KCTD16: variants seen among roughly 807,000 people sequenced by gnomAD.
The protein encoded by KCTD16 is potassium channel tetramerization domain containing 16.
Under a neutral mutation model 33.2 loss-of-function variants are expected in KCTD16, and 13 were observed. The ratio of observed to expected loss-of-function variants is 0.39; its 90% CI spans 0.25 to 0.62. The LOEUF is 0.62. Ranked by LOEUF, KCTD16 falls within the 20% of genes least tolerant of loss-of-function variation. The pLI is 0.50. For missense variants in KCTD16, 441 were observed against 525.1 expected (o/e 0.84, Z 1.57); for synonymous variants, 197 against 195.3 (o/e 1.01, Z -0.07).
chr5:144,284,980 C>G (rs1755705567), intron 3 of KCTD16, among the ~76,000 whole-genome samples: 1 of 152,190 alleles, frequency 6.6e-6, no homozygotes, highest in African/African-American at 2.4e-5. Context: ...TAAACCACCA[C>G]CATTTCATGC....
rs545329555 is a variant in KCTD16, at chr5:144,484,429, C to G, written c.*10315C>G. The G allele has an allele frequency of 1.3e-5, 2 of 151,978 alleles. No individual in the cohort carries two copies. Among genetic ancestry groups the G allele is most frequent in the Admixed American group, 1.3e-4 (2 of 15,222 alleles). The allele number at this position is 151,978 out of a possible 1,614,324, so 9.4% of individuals were successfully genotyped here. A position where few individuals can be genotyped will look rare whatever the true frequency, so the allele number is the denominator to read the frequency against. On this transcript the variant is annotated 3_prime_UTR_variant, in exon 4 of 4. Coordinates refer to ENST00000512467, the MANE Select transcript of KCTD16 (RefSeq NM_020768.4). ...GAACTTAGTAATCTTAGTTGAATTC[C>G]TCTTCCCCATGTCTTTCAAAACCAG...
At position 144,206,832 on chromosome 5, in the gene KCTD16, C is replaced by G; in HGVS notation, c.118C>G (p.His40Asp). Residue 40 changes from histidine (H) to aspartate (D), a missense_variant, in exon 3 of 4, where the codon CAT becomes GAT. This residue lies in a region of KCTD16 where 80 missense variants were observed against 88.5 expected (regional missense o/e 0.90). Coordinates refer to ENST00000512467, the MANE Select transcript of KCTD16 (RefSeq NM_020768.4). ...CGGGGGTCAAGTTTATTTTACTCGC[C>G]ATTCCACATTGATAAGCATCCCTCA... ...NVGGQVYFTR[H>D]STLISIPHSL... 1 of 1,614,156 alleles carries G rather than the reference C, an allele frequency of 6.2e-7. No homozygotes were observed. The highest frequency in any genetic ancestry group is 8.5e-7 in the Non-Finnish European group (1 of 1,180,020).
intron 3 of KCTD16, among the ~76,000 whole-genome samples, chr5:144,216,662 G>A (rs1206556573): frequency 6.6e-6 from 1 of 151,992 alleles, no homozygotes; most frequent in Non-Finnish European, 1.5e-5. Flanking sequence ...TGGCCAACAT[G>A]GGGAAATTCC....
At chr5:144,436,530 T>G (rs1485174637) in intron 3 of KCTD16, among the ~76,000 whole-genome samples, 1 of 152,046 alleles carries the variant, frequency 6.6e-6, no homozygotes, top group Admixed American at 6.6e-5. Context: ...ACTAGGCCTG[T>G]GTCCACATTC....
At chr5:144,307,766 C>T (rs1245858354) in intron 3 of KCTD16, among the ~76,000 whole-genome samples, 3 of 152,204 alleles carry the variant, frequency 2.0e-5, no homozygotes, top group African/African-American at 4.8e-5. Context: ...AAGGTGAGCT[C>T]ATGGACTGTT....
At chr5:144,436,325 T>G (rs1753575154) in intron 3 of KCTD16, among the ~76,000 whole-genome samples, 1 of 152,184 alleles carries the variant, frequency 6.6e-6, no homozygotes, top group Non-Finnish European at 1.5e-5. Context: ...TCTGTAACAG[T>G]GTTAAGCATG....
intron 3 of KCTD16, among the ~76,000 whole-genome samples, chr5:144,330,030 C>G (rs1752312487): frequency 6.6e-6 from 1 of 152,082 alleles, no homozygotes; most frequent in African/African-American, 2.4e-5. Context: ...GGCTGAGTAT[C>G]TAGAGTGCAA....
intron 3 of KCTD16, among the ~76,000 whole-genome samples, chr5:144,284,050 T>G (rs1361026021): frequency 6.6e-6 from 1 of 152,216 alleles, no homozygotes; most frequent in East Asian, 1.9e-4. Flanking sequence ...TTTAGGTGGA[T>G]TATTCTCATG....
intron 3 of KCTD16, among the ~76,000 whole-genome samples, chr5:144,346,155 A>G (rs1226776264): frequency 6.6e-6 from 1 of 152,068 alleles, no homozygotes; most frequent in Non-Finnish European, 1.5e-5. Context: ...AATGCTCCCC[A>G]GTTCCATCCA....
At chr5:144,324,359 C>T (rs1752149604) in intron 3 of KCTD16, among the ~76,000 whole-genome samples, 1 of 152,056 alleles carries the variant, frequency 6.6e-6, no homozygotes. Flanking sequence ...TTTTCAGAAA[C>T]TATCTTTGTC....
chr5:144,449,321 A>G (rs755448226), intron 3 of KCTD16, among the ~76,000 whole-genome samples: 1 of 151,994 alleles, frequency 6.6e-6, no homozygotes, highest in African/African-American at 2.4e-5. Context: ...GAATGTGCAT[A>G]CTATGCAAAG....
chr5:144,286,562 A>G (rs1358368296), intron 3 of KCTD16, among the ~76,000 whole-genome samples: 1 of 152,212 alleles, frequency 6.6e-6, no homozygotes, highest in Non-Finnish European at 1.5e-5. Flanking sequence ...GGATGTTACT[A>G]CTGTGAAGTT....
intron 3 of KCTD16, among the ~76,000 whole-genome samples, chr5:144,294,263 A>G (rs771406713): frequency 2.0e-5 from 3 of 152,372 alleles, no homozygotes; most frequent in Middle Eastern, 3.4e-3. Context: ...TAAAATGAAA[A>G]TAATGGTAGA....
chr5:144,384,301 G>C (rs1029517741), intron 3 of KCTD16: 2 of 152,252 alleles, frequency 1.3e-5, no homozygotes, highest in African/African-American at 4.8e-5. Flanking sequence ...GCTTTGAAAA[G>C]CTGGTAAGGG....
At position 144,481,543 on chromosome 5, in the gene KCTD16, T is replaced by C. The variant is rs1754703616; in HGVS notation, c.*7429T>C. 1.3e-5 allele frequency: 2 copies of C among 151,978 alleles called. No homozygotes were observed. The highest frequency in any genetic ancestry group is 2.4e-5 in the African/African-American group (1 of 41,418). The allele number at this position is 151,978 out of a possible 1,614,324, so 9.4% of individuals were successfully genotyped here. ...GAACACAATTTGTGTCTGAAATGATTTGACATTTTTCTTTTAATGTATCAT... is the reference window on the plus strand; with the variant it reads ...GAACACAATTTGTGTCTGAAATGATCTGACATTTTTCTTTTAATGTATCAT... On this transcript the variant is annotated 3_prime_UTR_variant, in exon 4 of 4. Coordinates refer to ENST00000512467, the MANE Select transcript of KCTD16 (RefSeq NM_020768.4).
intron 3 of KCTD16, among the ~76,000 whole-genome samples, chr5:144,456,203 A>AC (rs1754057120): frequency 1.6e-5 from 2 of 125,182 alleles, no homozygotes; most frequent in Non-Finnish European, 3.4e-5. Flanking sequence ...TCCCCTCACA[A>AC]ACCCCCCCCA....
intron 3 of KCTD16, among the ~76,000 whole-genome samples, chr5:144,301,528 T>A (rs1317278221): frequency 6.6e-6 from 1 of 152,242 alleles, no homozygotes. Flanking sequence ...CTTATATCTT[T>A]CTTTGTTTCT....
At chr5:144,300,429 A>C (rs1397621266) in intron 3 of KCTD16, among the ~76,000 whole-genome samples, 1 of 152,208 alleles carries the variant, frequency 6.6e-6, no homozygotes, top group Non-Finnish European at 1.5e-5. Context: ...TACCAGCTGT[A>C]CCATTTAATA....
intron 3 of KCTD16, among the ~76,000 whole-genome samples, chr5:144,287,065 A>G (rs995330182): frequency 6.6e-6 from 1 of 152,214 alleles, no homozygotes; most frequent in African/African-American, 2.4e-5. Context: ...GTGAGAGAAA[A>G]TGGGGAGGAG....
Sources: gnomAD v4.1 joint callset for allele counts (sites outside exome capture counted in the v4.1 genomes callset) on GRCh38, gnomAD v4.1.1 for gene constraint, gnomAD v4.1.1 regional missense constraint, MANE v1.5 for transcripts, NCBI Gene and HGNC (gene_info 2026-07-23, HGNC 2026-07-21) for gene names.